Variants in SORCS3 observed in about 807,000 individuals in gnomAD.
SORCS3 encodes sortilin related VPS10 domain containing receptor 3.
Under a neutral mutation model 146.3 loss-of-function variants are expected in SORCS3, and 57 were observed. The ratio of observed to expected loss-of-function variants is 0.39; its 90% CI spans 0.31 to 0.49. SORCS3 has a LOEUF of 0.49. SORCS3 is among the 20% of genes least tolerant of loss of function. The pLI is 0.92. For synonymous variants in SORCS3, 653 were observed against 618.5 expected (o/e 1.06, Z -0.83); for missense variants, 1,341 against 1,575.5 (o/e 0.85, Z 2.52).
intron 1 of SORCS3, among the ~76,000 whole-genome samples, chr10:104,755,308 G>A (rs1171069298): frequency 6.6e-6 from 1 of 152,086 alleles, no homozygotes; most frequent in Non-Finnish European, 1.5e-5. Context: ...AACATATTCA[G>A]TCACTCATTC....
At chr10:104,749,247 G>T (rs2016954371) in intron 1 of SORCS3, among the ~76,000 whole-genome samples, 1 of 151,798 alleles carries the variant, frequency 6.6e-6, no homozygotes, top group South Asian at 2.1e-4. Flanking sequence ...GTGTGTGTGT[G>T]TGTGTGTGTG....
intron 1 of SORCS3, among the ~76,000 whole-genome samples, chr10:104,820,144 G>A (rs565285278): frequency 1.3e-5 from 2 of 152,252 alleles, no homozygotes; most frequent in South Asian, 4.1e-4. Flanking sequence ...TAAGGAGGTG[G>A]AATTTGAAAC....
chr10:104,723,047 T>A (rs936288676), intron 1 of SORCS3, among the ~76,000 whole-genome samples: 1 of 152,214 alleles, frequency 6.6e-6, no homozygotes, highest in African/African-American at 2.4e-5. Context: ...CTCTTGCTTC[T>A]CTAGTTCTTT....
intron 2 of SORCS3, among the ~76,000 whole-genome samples, chr10:104,850,339 T>C (rs948680952): frequency 5.9e-5 from 9 of 152,270 alleles, no homozygotes; most frequent in Admixed American, 5.9e-4. Context: ...TCCTAGCATT[T>C]TGGGAGGCTG....
intron 2 of SORCS3, among the ~76,000 whole-genome samples, chr10:104,876,007 A>C (rs1232009393): frequency 1.3e-5 from 2 of 152,146 alleles, no homozygotes; most frequent in Non-Finnish European, 2.9e-5. Context: ...TTTCTGAACC[A>C]TGTTTTTTTC....
At chr10:104,828,659 T>C (rs923764180) in intron 1 of SORCS3, among the ~76,000 whole-genome samples, 2 of 152,046 alleles carry the variant, frequency 1.3e-5, no homozygotes, top group Admixed American at 6.6e-5. Flanking sequence ...AGCCTTCCAT[T>C]TGGAAAAATT....
chr10:104,663,244 C>A (rs1373135672), intron 1 of SORCS3, among the ~76,000 whole-genome samples: 1 of 152,116 alleles, frequency 6.6e-6, no homozygotes. Flanking sequence ...AAGCAACCAC[C>A]AACACCACAC....
At position 105,243,952 on chromosome 10, in the gene SORCS3, G is replaced by A. The variant is rs557090854; in HGVS notation, c.2869-1590G>A. ...ATGCATCCAAGCCATACATGGGTATGTTGTGAAGGACTGTCCTGCCCCTCT... is the reference window on the plus strand; with the variant it reads ...ATGCATCCAAGCCATACATGGGTATATTGTGAAGGACTGTCCTGCCCCTCT... On this transcript the variant is annotated intron_variant, in intron 20 of 26. Transcript: ENST00000369701. 3.2e-4 allele frequency among the ~76,000 whole-genome samples: 48 copies of A among 152,288 alleles called. 2 individuals carry two copies. The highest frequency in any genetic ancestry group is 1.1e-3 in the African/African-American group (45 of 41,572).
intron 1 of SORCS3, among the ~76,000 whole-genome samples, chr10:104,730,397 A>G (rs963253470): frequency 6.6e-6 from 1 of 152,182 alleles, no homozygotes; most frequent in Admixed American, 6.5e-5. Flanking sequence ...TTCTAGAAGA[A>G]TATTGAAAAT....
At chr10:104,915,991 GC>G in intron 3 of SORCS3, 59 bp downstream of exon 3, 1 of 1,340,408 alleles carries the variant, frequency 7.5e-7, no homozygotes, top group Non-Finnish European at 1.1e-6. Context: ...GCTGATTAGG[GC>G]CAGAGGTTAA....
intron 3 of SORCS3, among the ~76,000 whole-genome samples, chr10:104,926,162 A>G (rs1351649506): frequency 1.3e-5 from 2 of 152,092 alleles, no homozygotes; most frequent in African/African-American, 2.4e-5. Flanking sequence ...AGAGGCTTGG[A>G]TTTTTAAAGA....
intron 1 of SORCS3, among the ~76,000 whole-genome samples, chr10:104,798,098 T>C (rs1164982533): frequency 6.6e-6 from 1 of 152,162 alleles, no homozygotes; most frequent in East Asian, 1.9e-4. Flanking sequence ...ACTCATCAAT[T>C]AGAAAGGGCT....
intron 1 of SORCS3, among the ~76,000 whole-genome samples, chr10:104,836,438 TG>T (rs1204321017): frequency 2.0e-5 from 3 of 152,138 alleles, no homozygotes; most frequent in African/African-American, 7.2e-5. Flanking sequence ...TTGCTGGTGT[TG>T]CGTGTGTCTG....
At chr10:105,167,611 T>G (rs2056324768) in intron 13 of SORCS3, among the ~76,000 whole-genome samples, 1 of 152,060 alleles carries the variant, frequency 6.6e-6, no homozygotes, top group Non-Finnish European at 1.5e-5. Flanking sequence ...AGGAAGGACC[T>G]GCAGTTCAAG....
chr10:104,945,955 T>G (rs1009203706), intron 3 of SORCS3, among the ~76,000 whole-genome samples: 2 of 152,116 alleles, frequency 1.3e-5, no homozygotes, highest in African/African-American at 4.8e-5. Flanking sequence ...GCTGGCACCC[T>G]GGCTTCAGGA....
intron 1 of SORCS3, among the ~76,000 whole-genome samples, chr10:104,842,488 C>T (rs2133546919): frequency 6.6e-6 from 1 of 152,270 alleles, no homozygotes; most frequent in South Asian, 2.1e-4. Context: ...TGCATCTGAC[C>T]TCGAAGGAGG....
chr10:104,970,116 G>GC (rs2054851694), intron 3 of SORCS3, among the ~76,000 whole-genome samples: 1 of 152,064 alleles, frequency 6.6e-6, no homozygotes, highest in Non-Finnish European at 1.5e-5. Flanking sequence ...ATGATATGGA[G>GC]CAAGTGAGGC....
intron 2 of SORCS3, among the ~76,000 whole-genome samples, chr10:104,903,392 T>C (rs2018872383): frequency 6.6e-6 from 1 of 152,030 alleles, no homozygotes; most frequent in Admixed American, 6.6e-5. Flanking sequence ...ACTATGGAAA[T>C]CAGAGGGGAC....
At position 104,909,414 on chromosome 10, in the gene SORCS3, C is replaced by G. The variant is rs140599333; in HGVS notation, c.696-6419C>G. On this transcript the variant is annotated intron_variant, in intron 2 of 26. Coordinates refer to ENST00000369701, the MANE Select transcript of SORCS3 (RefSeq NM_014978.3). The stretch of plus-strand genomic sequence containing the variant: ...GCTGAGAGGAAAGGAACAACCACAA[C>G]TGTGGTTGTTTGCCAATTTTAGATT... Among the ~76,000 whole-genome samples, 845 of 152,162 alleles carry G rather than the reference C, an allele frequency of 5.6e-3. 14 individuals are homozygous for G. The highest frequency in any genetic ancestry group is 0.019 in the African/African-American group (784 of 41,498).
Sources: gnomAD v4.1 joint callset for allele counts (sites outside exome capture counted in the v4.1 genomes callset) on GRCh38, gnomAD v4.1.1 for gene constraint, MANE v1.5 for transcripts, NCBI Gene and HGNC (gene_info 2026-07-23, HGNC 2026-07-21) for gene names.